Variants in PAK5 observed in about 807,000 individuals in gnomAD.
PAK5 encodes p21 (RAC1) activated kinase 5.
In PAK5, 16 loss-of-function variants were observed where a neutral mutation model predicts 65.9. The observed-to-expected ratio is 0.24, with a 90% CI of 0.16 to 0.37. The LOEUF is 0.37. PAK5 is among the 10% of genes least tolerant of loss of function. PAK5 has a pLI of 1.00. For missense variants in PAK5, 785 were observed against 903.9 expected (o/e 0.87, Z 1.69); for synonymous variants, 371 against 354.9 (o/e 1.05, Z -0.51).
chr20:9,784,328 T>C (rs559632552), intron 1 of PAK5: 1 of 152,142 alleles, frequency 6.6e-6, no homozygotes, highest in Non-Finnish European at 1.5e-5. Flanking sequence ...TGAATATATA[T>C]ATTTGAATAA....
chr20:9,686,426 G>C (rs889354007), intron 2 of PAK5, among the ~76,000 whole-genome samples: 1 of 152,026 alleles, frequency 6.6e-6, no homozygotes, highest in African/African-American at 2.4e-5. Context: ...ACAGGCTCTT[G>C]CTCTGTCACC....
chr20:9,725,316 GT>G (rs2048263294), intron 1 of PAK5, among the ~76,000 whole-genome samples: 1 of 143,320 alleles, frequency 7.0e-6, no homozygotes, highest in Non-Finnish European at 1.5e-5. Flanking sequence ...AAGGAAAGAT[GT>G]TTTGAAGGTT....
chr20:9,711,397 T>C lies in PAK5; in HGVS notation c.-123A>G, dbSNP rs2048075780. The C allele has an allele frequency of 6.6e-6, 1 of 152,172 alleles. No homozygotes were observed. The highest frequency in any genetic ancestry group is 2.4e-5 in the African/African-American group (1 of 41,450). The allele number at this position is 152,172 out of a possible 1,614,324, so 9.4% of individuals were successfully genotyped here. ...CTTCTTCATTTTTCCTCAGTGTTCA[T>C]TTTAGCAAGAGGTGGAAGCATTTCA... On this transcript the variant is annotated 5_prime_UTR_variant, in exon 2 of 10. An upstream start codon of the reference 5' UTR is lost. Coordinates refer to ENST00000353224, the MANE Select transcript of PAK5 (RefSeq NM_177990.4).
At chr20:9,761,361 A>G (rs1210503876) in intron 1 of PAK5, among the ~76,000 whole-genome samples, 1 of 152,216 alleles carries the variant, frequency 6.6e-6, no homozygotes, top group African/African-American at 2.4e-5. Flanking sequence ...AAAAAACTGT[A>G]GAACACTGAT....
At chr20:9,579,486 A>C (rs2123007958) in intron 4 of PAK5, among the ~76,000 whole-genome samples, 1 of 152,274 alleles carries the variant, frequency 6.6e-6, no homozygotes, top group South Asian at 2.1e-4. Context: ...GCAAACTTGG[A>C]GCTGCTAACA....
At chr20:9,582,288 CCT>C (rs1467913742) in intron 3 of PAK5, among the ~76,000 whole-genome samples, 5 of 152,236 alleles carry the variant, frequency 3.3e-5, no homozygotes, top group Non-Finnish European at 5.9e-5. Context: ...TTCCGAGTTT[CCT>C]CTGATCTGTG....
chr20:9,680,679 C>A (rs2047637687), intron 2 of PAK5, among the ~76,000 whole-genome samples: 1 of 152,106 alleles, frequency 6.6e-6, no homozygotes, highest in Non-Finnish European at 1.5e-5. Flanking sequence ...CGGAGAGAAT[C>A]CCCAGTGTTT....
chr20:9,674,684 T>C (rs566687110), intron 2 of PAK5, among the ~76,000 whole-genome samples: 138 of 152,236 alleles, frequency 9.1e-4, no homozygotes, highest in Non-Finnish European at 1.6e-3. Context: ...TCGAGATTTA[T>C]TGAGGGAGTG....
chr20:9,538,985 C>T lies in PAK5; in HGVS notation c.*477G>A, dbSNP rs1045073454. On this transcript the variant is annotated 3_prime_UTR_variant, in exon 10 of 10. Coordinates refer to ENST00000353224, the MANE Select transcript of PAK5 (RefSeq NM_177990.4). ...ACAATGGCTACATGACATCAAAGTA[C>T]TATAAATTATCAAAACTATCGTACA... is the stretch of plus-strand genomic sequence containing the variant. The T allele has an allele frequency of 2.1e-5, 5 of 232,964 alleles. No individual in the cohort carries two copies. The highest frequency in any genetic ancestry group is 4.2e-5 in the Non-Finnish European group (5 of 117,924). 14.4% of individuals were successfully genotyped at this position (232,964 alleles called of 1,614,324 possible). A position where few individuals can be genotyped will look rare whatever the true frequency, so the allele number is the denominator to read the frequency against.
intron 1 of PAK5, among the ~76,000 whole-genome samples, chr20:9,730,270 A>G (rs1179442906): frequency 4.6e-5 from 7 of 152,022 alleles, no homozygotes; most frequent in Admixed American, 4.6e-4. Flanking sequence ...TATATCTCTA[A>G]CAAAAAGTAG....
chr20:9,642,714 T>A (rs912710638), intron 3 of PAK5, among the ~76,000 whole-genome samples: 1 of 152,188 alleles, frequency 6.6e-6, no homozygotes, highest in Non-Finnish European at 1.5e-5. Flanking sequence ...ACTAGTAGAG[T>A]TGGTTAGTCA....
At chr20:9,739,070 C>T (rs1303920746) in intron 1 of PAK5, among the ~76,000 whole-genome samples, 2 of 152,132 alleles carry the variant, frequency 1.3e-5, no homozygotes, top group African/African-American at 2.4e-5. Flanking sequence ...AAAAAGCACA[C>T]AGGGATTATT....
chr20:9,587,303 A>C (rs535982439), intron 3 of PAK5, among the ~76,000 whole-genome samples: 5 of 152,324 alleles, frequency 3.3e-5, no homozygotes, highest in South Asian at 2.1e-4. Flanking sequence ...GTAACTTTAG[A>C]TACAAAATAC....
At chr20:9,822,153 G>A (rs997364039) in intron 1 of PAK5, among the ~76,000 whole-genome samples, 1 of 152,030 alleles carries the variant, frequency 6.6e-6, no homozygotes, top group Non-Finnish European at 1.5e-5. Flanking sequence ...GCCAGGTGTG[G>A]TGGTGCATCT....
intron 2 of PAK5, among the ~76,000 whole-genome samples, chr20:9,702,859 T>A (rs1435480920): frequency 6.6e-6 from 1 of 152,150 alleles, no homozygotes; most frequent in Non-Finnish European, 1.5e-5. Flanking sequence ...CTGGGCCTCA[T>A]GATCCCAGCA....
intron 1 of PAK5, among the ~76,000 whole-genome samples, chr20:9,745,991 A>G (rs2048503506): frequency 1.3e-5 from 2 of 152,182 alleles, no homozygotes; most frequent in Admixed American, 6.5e-5. Flanking sequence ...TATGCATCAA[A>G]GAGAAGAAAG....
chr20:9,750,806 T>C lies in PAK5; in HGVS notation c.-161-39371A>G, dbSNP rs570356788. Among the ~76,000 whole-genome samples the C allele has an allele frequency of 1.7e-4, 26 of 152,246 alleles. No homozygotes were observed. The East Asian group carries it at 3.1e-3, about 18-fold the overall frequency. ...ACACTGTAACCACCATGAGTACTGA[T>C]GATAGTTCCTACCATCCCTATGGTC... On this transcript the variant is annotated intron_variant, in intron 1 of 9. Transcript: ENST00000353224.
Position 9,838,893 on chromosome 20 carries a change from G to A in PAK5, c.-293C>T, listed in dbSNP as rs888222606. 6.6e-6 allele frequency: 1 copy of A among 152,438 alleles called. No individual in the cohort carries two copies. The highest frequency in any genetic ancestry group is 6.5e-5 in the Admixed American group (1 of 15,290). 9.4% of individuals were successfully genotyped at this position (152,438 alleles called of 1,614,324 possible). Reference sequence around the variant, plus strand: ...ACTACTGGCTGGGTAGGGGCAAGGGGGGCGGGGGCCAGCGGGAGGGGGTGA... The same window carrying A: ...ACTACTGGCTGGGTAGGGGCAAGGGAGGCGGGGGCCAGCGGGAGGGGGTGA... On this transcript the variant is annotated 5_prime_UTR_variant, in exon 1 of 10. Transcript: ENST00000353224. This position sits in a 1 kb window ranked among gnomAD's most constrained non-coding sequence, Gnocchi z 4.5.
chr20:9,707,411 T>C (rs6056815), intron 2 of PAK5, among the ~76,000 whole-genome samples: 102,447 of 152,148 alleles, frequency 0.67, 34,733 homozygotes, highest in East Asian at 0.84. Context: ...CCCCTTCTTG[T>C]TTTAAATTCT....
Sources: allele counts gnomAD v4.1 joint callset (sites outside exome capture counted in the v4.1 genomes callset), GRCh38; gene constraint gnomAD v4.1.1; non-coding constraint Gnocchi (gnomAD v3.1); transcripts MANE v1.5; gene names NCBI Gene and HGNC (gene_info 2026-07-23, HGNC 2026-07-21).